Variants in PTPN12 observed in about 807,000 individuals in gnomAD.
PTPN12 encodes the protein tyrosine-protein phosphatase non-receptor type 12.
Under a neutral mutation model 97.6 loss-of-function variants are expected in PTPN12, and 29 were observed. That is an observed-to-expected ratio of 0.30 (90% CI 0.22 to 0.41). The LOEUF is 0.41. Among genes scored for constraint, PTPN12 ranks in the 10% least tolerant of loss-of-function variants. The pLI, the probability that PTPN12 is intolerant of heterozygous loss-of-function variation, is 1.00. For missense variants in PTPN12, 819 were observed against 926.0 expected, an observed-to-expected ratio of 0.88 and a Z score of 1.50; for synonymous variants, 327 against 300.4, an observed-to-expected ratio of 1.09 and a Z score of -0.91.
chr7:77,562,618 A>G (rs921342701), intron 1 of PTPN12, among the ~76,000 whole-genome samples: 5 of 152,216 alleles, frequency 3.3e-5, no homozygotes, highest in Admixed American at 6.5e-5. Context: ...TTGGCGGAAC[A>G]TCAGTGGAAC....
At chr7:77,585,476 T>G (rs1787659085) in intron 4 of PTPN12, 67 bp from the exon 5 acceptor site, 4 of 1,415,114 alleles carry the variant, frequency 2.8e-6, no homozygotes, top group East Asian at 4.6e-5. Flanking sequence ...AATCTGTATT[T>G]TATTAAAAAG....
chr7:77,602,839 A>G (rs1338430274), intron 8 of PTPN12, among the ~76,000 whole-genome samples: 1 of 152,194 alleles, frequency 6.6e-6, no homozygotes, highest in Non-Finnish European at 1.5e-5. Flanking sequence ...CTATCAATTT[A>G]TTCCTCTAAG....
rs1808165507 is a variant in PTPN12, at chr7:77,564,746, G to GTTTTTTTGT, written c.100-6325_100-6324insGTTTTTTTT. ...TTTTGTTGTTGTTTTTTGTTGTCGT[G>GTTTTTTTGT]TTTTTTTTTTTTTTTTTTTTTTTTT... is the stretch of plus-strand genomic sequence containing the variant. On this transcript the variant is annotated intron_variant, in intron 1 of 17. Coordinates refer to ENST00000248594, the MANE Select transcript of PTPN12 (RefSeq NM_002835.4). 5.3e-4 allele frequency among the ~76,000 whole-genome samples: 24 copies of GTTTTTTTGT among 45,402 alleles called. 1 individual carries two copies. The highest frequency in any genetic ancestry group is 6.1e-4 in the Non-Finnish European group (16 of 26,060). 29.8% of individuals were successfully genotyped at this position (45,402 alleles called of 152,430 possible).
chr7:77,635,585 CAG>C lies in PTPN12; in HGVS notation c.2075-195_2075-194del, dbSNP rs201308602. On this transcript the variant is annotated intron_variant, in intron 14 of 17. Transcript: ENST00000248594. ...TTACTTAGGTTTTGAAGGAAGGAAA[CAG>C]AATGTTCTCGAATTAATAGAAACTA... 6.3e-3 allele frequency among the ~76,000 whole-genome samples: 958 copies of C among 152,104 alleles called. 11 individuals carry two copies. The highest frequency in any genetic ancestry group is 0.022 in the African/African-American group (908 of 41,486).
intron 8 of PTPN12, among the ~76,000 whole-genome samples, chr7:77,606,565 TAA>T (rs3083894): frequency 0.72 from 109,792 of 152,012 alleles, 41,063 homozygotes; most frequent in East Asian, 0.9. Flanking sequence ...CCCAACCCCT[TAA>T]AAATGAAATG....
At chr7:77,581,201 C>T (rs372133458) in intron 2 of PTPN12, among the ~76,000 whole-genome samples, 51 of 152,176 alleles carry the variant, frequency 3.4e-4, no homozygotes, top group African/African-American at 1.1e-3. Flanking sequence ...CACAGCCTCC[C>T]GAGTAGCTGG....
rs1584166685 is a variant in PTPN12 at position 77,597,844 on chromosome 7, G to T, written c.495G>T (p.Glu165Asp). The change falls in exon 7 of 18, where the codon GAG (glutamate) becomes GAT (aspartate). Residue 165 changes from glutamate (E) to aspartate (D), a missense_variant and splice_region_variant. Glu to Asp is a conservative substitution (Grantham distance 45, BLOSUM62 2). This residue lies in a region of PTPN12 where 45 missense variants were observed against 52.0 expected (regional missense o/e 0.87). Transcript: ENST00000248594. ...TAGAAATGTTTCTCTTTATTTAGGA[G>T]GATGAACAAGCAAGAACAGACTACT... ...ITFAPFKISC[E>D]DEQARTDYFI... 1.9e-6 allele frequency: 3 copies of T among 1,608,904 alleles called. No individual in the cohort carries two copies. The highest frequency in any genetic ancestry group is 4.5e-5 in the East Asian group (2 of 44,668).
At chr7:77,607,808 C>T (rs540870203) in intron 9 of PTPN12, among the ~76,000 whole-genome samples, 7 of 149,944 alleles carry the variant, frequency 4.7e-5, no homozygotes, top group Non-Finnish European at 8.8e-5. Context: ...GGCTGGAGTG[C>T]GATGGTGCGA....
chr7:77,570,760 G>T (rs1045283695), intron 1 of PTPN12, among the ~76,000 whole-genome samples: 1 of 152,200 alleles, frequency 6.6e-6, no homozygotes. Context: ...GTGACCCTTA[G>T]TTAAAACACT....
At chr7:77,567,565 G>A (rs531771817) in intron 1 of PTPN12, among the ~76,000 whole-genome samples, 14 of 152,248 alleles carry the variant, frequency 9.2e-5, no homozygotes, top group Admixed American at 9.2e-4. Flanking sequence ...CTTTTAAAAA[G>A]ACAAATTATC....
intron 3 of PTPN12, among the ~76,000 whole-genome samples, chr7:77,582,081 G>GTTTTTTT (rs1237836254): frequency 2.4e-4 from 18 of 74,308 alleles, no homozygotes; most frequent in South Asian, 4.7e-4. Flanking sequence ...AAGCAGTCAA[G>GTTTTTTT]TTCTTTTTTT....
rs1269366042 is a variant in PTPN12 at position 77,564,781 on chromosome 7, C to T, written c.100-6297C>T. ...TTTTTTTTTTTTTTTTTTTTTGAGA[C>T]GGAATCTCGCCCTTGTGCCAGGCTG... On this transcript the variant is annotated intron_variant, in intron 1 of 17. Transcript: ENST00000248594. 4.9e-4 allele frequency among the ~76,000 whole-genome samples: 7 copies of T among 14,418 alleles called. 1 individual carries two copies. Among genetic ancestry groups the T allele is most frequent in the Non-Finnish European group, 7.7e-4 (7 of 9,134 alleles). The allele number at this position is 14,418 out of a possible 152,430, so 9.5% of individuals were successfully genotyped here. A position where few individuals can be genotyped will look rare whatever the true frequency, so the allele number is the denominator to read the frequency against.
intron 1 of PTPN12, chr7:77,545,666 A>C (rs1411976954): frequency 6.6e-6 from 1 of 151,752 alleles, no homozygotes; most frequent in Non-Finnish European, 1.5e-5. Context: ...GTTTTCATCC[A>C]ATTTTGTAAC....
chr7:77,608,781 A>G (rs1462366080), intron 9 of PTPN12, among the ~76,000 whole-genome samples: 1 of 152,214 alleles, frequency 6.6e-6, no homozygotes, highest in Non-Finnish European at 1.5e-5. Context: ...ATAATCATCT[A>G]ATTCTCAAAT....
chr7:77,597,768 A>G (rs375092382), intron 6 of PTPN12, 74 bp from the exon 7 acceptor site: 23 of 1,502,498 alleles, frequency 1.5e-5, no homozygotes, highest in Middle Eastern at 3.6e-4. Flanking sequence ...CTTTGATACA[A>G]GTATTTTATT....
intron 9 of PTPN12, 74 bp from the exon 10 acceptor site, chr7:77,610,691 G>A: frequency 1.4e-6 from 2 of 1,427,676 alleles, no homozygotes; most frequent in South Asian, 1.3e-5. Context: ...TAAGTTTTAT[G>A]TGAAAAGCTG....
At chr7:77,545,631 T>TA (rs1481389998) in intron 1 of PTPN12, 2 of 151,304 alleles carry the variant, frequency 1.3e-5, no homozygotes, top group African/African-American at 2.4e-5. Flanking sequence ...TTTTTAATAA[T>TA]TAAAAAAAAA....
intron 1 of PTPN12, 77 bp downstream of exon 1, chr7:77,537,722 G>A: frequency 2.0e-6 from 3 of 1,471,700 alleles, no homozygotes; most frequent in Admixed American, 2.1e-5. Context: ...CGGGCCGCCA[G>A]TGCTTTGTGT....
chr7:77,626,892 C>G lies in PTPN12; in HGVS notation c.1213C>G (p.Leu405Val). The change falls in exon 13 of 18, where the codon CTC becomes GTC. Residue 405 changes from leucine (L) to valine (V), a missense_variant. Transcript: ENST00000248594. Reference protein sequence around the residue: ...MVSSEQHSADLNRNYSKSTEL... With the variant: ...MVSSEQHSADVNRNYSKSTEL... Reference sequence around the variant, plus strand: ...TTCATCAGAACAACATTCAGCAGACCTCAACAGAAACTATAGTAAATCAAC... The same window carrying G: ...TTCATCAGAACAACATTCAGCAGACGTCAACAGAAACTATAGTAAATCAAC... The G allele has an allele frequency of 1.2e-6, 2 of 1,612,118 alleles. No individual in the cohort carries two copies. Among genetic ancestry groups the G allele is most frequent in the Non-Finnish European group, 1.7e-6 (2 of 1,178,660 alleles).
Sources: gnomAD v4.1 joint callset for allele counts (sites outside exome capture counted in the v4.1 genomes callset) on GRCh38, gnomAD v4.1.1 for gene constraint, gnomAD v4.1.1 regional missense constraint, MANE v1.5 for transcripts, NCBI Gene and HGNC (gene_info 2026-07-23, HGNC 2026-07-21) for gene names.